Variants in ATRN observed in about 807,000 individuals in gnomAD.
The protein encoded by ATRN is attractin-2.
In ATRN, 54 loss-of-function variants were observed where a neutral mutation model predicts 178.7. That is an observed-to-expected ratio of 0.30 (90% CI 0.24 to 0.38). The LOEUF is 0.38. Ranked by LOEUF, ATRN falls within the 10% of genes least tolerant of loss-of-function variation. The pLI, the probability that ATRN is intolerant of heterozygous loss-of-function variation, is 1.00. For missense variants in ATRN, 1,443 were observed against 1,815.1 expected, an observed-to-expected ratio of 0.79 and a Z score of 3.73; for synonymous variants, 636 against 663.0, an observed-to-expected ratio of 0.96 and a Z score of 0.63.
At chr20:3,640,297 A>C (rs1471285478) in intron 27 of ATRN, among the ~76,000 whole-genome samples, 2 of 152,238 alleles carry the variant, frequency 1.3e-5, no homozygotes, top group African/African-American at 2.4e-5. Flanking sequence ...GATGAATCTG[A>C]AAAAAGTACG....
chr20:3,517,171 T>G (rs1289522943), intron 1 of ATRN, among the ~76,000 whole-genome samples: 6 of 152,204 alleles, frequency 3.9e-5, no homozygotes, highest in Non-Finnish European at 5.9e-5. Context: ...TGTCTACCTT[T>G]TAAGTTTAAA....
chr20:3,591,584 C>T (rs969101567), intron 19 of ATRN, among the ~76,000 whole-genome samples: 1 of 152,148 alleles, frequency 6.6e-6, no homozygotes, highest in Non-Finnish European at 1.5e-5. Flanking sequence ...GCCAACTTCC[C>T]CTGTTTCCTT....
chr20:3,626,231 CAAAA>C (rs3084195), intron 25 of ATRN, among the ~76,000 whole-genome samples: 6 of 99,550 alleles, frequency 6.0e-5, no homozygotes, highest in Non-Finnish European at 2.1e-5. Flanking sequence ...GACCCTGTCT[CAAAA>C]AAAAAAAAAA....
chr20:3,615,074 T>G (rs2086823911), intron 24 of ATRN, among the ~76,000 whole-genome samples: 1 of 152,202 alleles, frequency 6.6e-6, no homozygotes, highest in Non-Finnish European at 1.5e-5. Flanking sequence ...GATATACTTT[T>G]AATGTTTATA....
chr20:3,641,981 T>C (rs747929370), intron 27 of ATRN, among the ~76,000 whole-genome samples: 14 of 152,326 alleles, frequency 9.2e-5, no homozygotes, highest in South Asian at 6.2e-4. Context: ...GGTTAAAAAA[T>C]AGACAAGCCT....
At chr20:3,546,910 A>G (rs1490860630) in intron 4 of ATRN, among the ~76,000 whole-genome samples, 2 of 152,206 alleles carry the variant, frequency 1.3e-5, no homozygotes, top group East Asian at 1.9e-4. Flanking sequence ...ACTTCCAAGC[A>G]TGAATTCAGC....
chr20:3,479,552 T>C (rs1205321320), intron 1 of ATRN, among the ~76,000 whole-genome samples: 2 of 152,190 alleles, frequency 1.3e-5, no homozygotes, highest in African/African-American at 2.4e-5. Context: ...GAAGAGTTGA[T>C]GTGCAAAGGC....
chr20:3,605,981 A>G (rs1440575706), intron 24 of ATRN, among the ~76,000 whole-genome samples: 1 of 152,316 alleles, frequency 6.6e-6, no homozygotes, highest in East Asian at 1.9e-4. Context: ...AGAACAGTTG[A>G]TCTTTCCATT....
intron 11 of ATRN, among the ~76,000 whole-genome samples, chr20:3,569,184 G>A (rs1037894091): frequency 3.3e-5 from 5 of 152,198 alleles, no homozygotes; most frequent in Admixed American, 6.5e-5. Flanking sequence ...ATATGGTCAT[G>A]TGTCACTGAA....
chr20:3,544,217 A>G (rs1349722211), intron 3 of ATRN, among the ~76,000 whole-genome samples: 1 of 152,132 alleles, frequency 6.6e-6, no homozygotes, highest in Non-Finnish European at 1.5e-5. Flanking sequence ...CCATGCCCTT[A>G]TCAGAATGCC....
intron 28 of ATRN, among the ~76,000 whole-genome samples, chr20:3,644,491 C>T (rs958002550): frequency 1.3e-5 from 2 of 152,230 alleles, no homozygotes; most frequent in African/African-American, 4.8e-5. Flanking sequence ...GGGACCTCCT[C>T]ACCGTTCTGG....
intron 11 of ATRN, among the ~76,000 whole-genome samples, chr20:3,572,059 G>C (rs1217168778): frequency 6.6e-6 from 1 of 152,116 alleles, no homozygotes; most frequent in East Asian, 1.9e-4. Context: ...TTACTAAAAA[G>C]AACATCTTTT....
chr20:3,612,333 A>G (rs564406967), intron 24 of ATRN, among the ~76,000 whole-genome samples: 3 of 152,336 alleles, frequency 2.0e-5, no homozygotes, highest in African/African-American at 7.2e-5. Flanking sequence ...GATCTTATAT[A>G]CCTATGCACA....
chr20:3,518,396 G>T (rs550734256), intron 1 of ATRN, among the ~76,000 whole-genome samples: 11 of 152,286 alleles, frequency 7.2e-5, no homozygotes, highest in African/African-American at 2.4e-4. Flanking sequence ...TGTGAAAAAA[G>T]CCAAACACGA....
At chr20:3,617,370 G>A (rs1036212737) in intron 24 of ATRN, among the ~76,000 whole-genome samples, 1 of 152,124 alleles carries the variant, frequency 6.6e-6, no homozygotes, top group African/African-American at 2.4e-5. Context: ...TTGGGTCTGG[G>A]GAATGCTTCA....
intron 11 of ATRN, among the ~76,000 whole-genome samples, chr20:3,571,818 G>A (rs538072616): frequency 2.0e-4 from 30 of 151,876 alleles, no homozygotes; most frequent in Admixed American, 1.5e-3. Context: ...CATGTAAAAC[G>A]TCTTTTTAAT....
chr20:3,489,637 C>T (rs747665806), intron 1 of ATRN: 10 of 1,467,686 alleles, frequency 6.8e-6, no homozygotes, highest in African/African-American at 2.8e-5. Context: ...CATTCTGAAG[C>T]CTTCTGCAAT....
chr20:3,484,202 T>A (rs1408313808), intron 1 of ATRN, among the ~76,000 whole-genome samples: 3 of 151,446 alleles, frequency 2.0e-5, no homozygotes, highest in Non-Finnish European at 2.9e-5. Context: ...TGAGCTAAGA[T>A]CACACTACTG....
chr20:3,607,800 C>G lies in ATRN; in HGVS notation c.3801+3538C>G, dbSNP rs190706628. Among the ~76,000 whole-genome samples the G allele has an allele frequency of 3.5e-3, 528 of 152,266 alleles. 7 individuals carry two copies. Among genetic ancestry groups the G allele is most frequent in the African/African-American group, 0.012 (492 of 41,534 alleles). ...TTATGAGCAGTCTTCATACTGTCTT[C>G]CATAGTGGCTGTACTAAATAATTTA... On this transcript the variant is annotated intron_variant, in intron 24 of 28. Coordinates refer to ENST00000262919, the MANE Select transcript of ATRN (RefSeq NM_139321.3).
Sources: allele counts gnomAD v4.1 joint callset (sites outside exome capture counted in the v4.1 genomes callset), GRCh38; gene constraint gnomAD v4.1.1; transcripts MANE v1.5; gene names NCBI Gene and HGNC (gene_info 2026-07-23, HGNC 2026-07-21).